ADRA1A: variants seen among roughly 807,000 people sequenced by gnomAD.
The protein encoded by ADRA1A is alpha-1A adrenergic receptor.
A neutral mutation model predicts 29.6 loss-of-function variants in ADRA1A; 31 were observed. That is an observed-to-expected ratio of 1.05 (90% CI 0.79 to 1.41). The LOEUF (loss-of-function observed/expected upper bound fraction) is 1.41. Ranked by LOEUF, ADRA1A falls within the 40% of genes most tolerant of loss-of-function variation. ADRA1A has a pLI of 0.00. For missense variants in ADRA1A, 619 were observed against 601.1 expected, an observed-to-expected ratio of 1.03 and a Z score of -0.31; for synonymous variants, 311 against 254.3, an observed-to-expected ratio of 1.22 and a Z score of -2.12.
chr8:26,798,114 G>C (rs1166085168), intron 2 of ADRA1A, among the ~76,000 whole-genome samples: 1 of 152,180 alleles, frequency 6.6e-6, no homozygotes, highest in Admixed American at 6.5e-5. Flanking sequence ...GAGTAGCTGG[G>C]ATTACAGGTG....
At chr8:26,843,627 C>T (rs575898847) in intron 2 of ADRA1A, among the ~76,000 whole-genome samples, 1 of 152,252 alleles carries the variant, frequency 6.6e-6, no homozygotes, top group South Asian at 2.1e-4. Flanking sequence ...AAAAATACCT[C>T]CTCATCAACA....
At chr8:26,764,027 TC>T (rs376532524), downstream of ADRA1A, among the ~76,000 whole-genome samples, 167 of 152,274 alleles carry the variant, frequency 1.1e-3, no homozygotes, top group African/African-American at 3.9e-3. Flanking sequence ...AAAAATGCAT[TC>T]TTGACTTTGA....
At position 26,865,608 on chromosome 8, in the gene ADRA1A, A is replaced by T. The variant is rs1016868541; in HGVS notation, c.-639T>A. ...AGGTCAGGGGACGTAGGTGTGGAAT[A>T]TGTGCTGAGACCCAGGAGGCTGCGG... On this transcript the variant is annotated 5_prime_UTR_variant, in exon 2 of 3. Transcript: ENST00000380573. The surrounding 1 kb of genome is among the most constrained non-coding windows in gnomAD (Gnocchi z 7.6). 1.8e-5 allele frequency: 18 copies of T among 986,984 alleles called. No individual in the cohort carries two copies. The highest frequency in any genetic ancestry group is 5.2e-4 in the Middle Eastern group (1 of 1,916). The allele number at this position is 986,984 out of a possible 1,614,324, so 61.1% of individuals were successfully genotyped here.
At chr8:26,830,423 T>C (rs1458755720) in intron 2 of ADRA1A, among the ~76,000 whole-genome samples, 1 of 152,206 alleles carries the variant, frequency 6.6e-6, no homozygotes, top group Non-Finnish European at 1.5e-5. Context: ...ATCCCAAATG[T>C]ACTAATCAAG....
intron 2 of ADRA1A, among the ~76,000 whole-genome samples, chr8:26,858,209 G>A (rs1012073643): frequency 1.3e-5 from 2 of 152,304 alleles, no homozygotes; most frequent in Non-Finnish European, 2.9e-5. Flanking sequence ...TTGATTCAGT[G>A]GCAACAGCAA....
At chr8:26,842,310 T>C (rs1811872064) in intron 2 of ADRA1A, among the ~76,000 whole-genome samples, 1 of 152,232 alleles carries the variant, frequency 6.6e-6, no homozygotes, top group Non-Finnish European at 1.5e-5. Context: ...TTGGACAGCA[T>C]AGTTCCAGAT....
Position 26,770,646 on chromosome 8 carries a change from T to A in ADRA1A, c.904A>T (p.Lys302Ter). Residue 302 changes from lysine (K) to a stop codon, truncating the protein, a stop_gained, in exon 3 of 3, where the codon AAG becomes TAG. Transcript: ENST00000380573. LOFTEE classifies it high-confidence loss of function. ...MPIGSFFPDF[K>*]PSETVFKIVF... Reference sequence around the variant, plus strand: ...ATTTTAAAAACTGTTTCAGAGGGCTTGAAATCAGGGAAGAAAGACCCTGGA... The same window carrying A: ...ATTTTAAAAACTGTTTCAGAGGGCTAGAAATCAGGGAAGAAAGACCCTGGA... 1 of 1,611,834 alleles carries A rather than the reference T, an allele frequency of 6.2e-7. No homozygotes were observed.
chr8:26,826,315 T>C (rs1199509470), intron 2 of ADRA1A, among the ~76,000 whole-genome samples: 2 of 152,222 alleles, frequency 1.3e-5, no homozygotes, highest in Non-Finnish European at 2.9e-5. Context: ...CCAGGCTCCT[T>C]CCACTTGTGG....
intron 2 of ADRA1A, among the ~76,000 whole-genome samples, chr8:26,795,321 G>A (rs1808118169): frequency 6.6e-6 from 1 of 152,114 alleles, no homozygotes; most frequent in Non-Finnish European, 1.5e-5. Context: ...ATTAAAAATC[G>A]CTGCAAGGAT....
intron 2 of ADRA1A, among the ~76,000 whole-genome samples, chr8:26,750,694 G>C (rs1804884659): frequency 6.6e-6 from 1 of 152,302 alleles, no homozygotes; most frequent in African/African-American, 2.4e-5. Flanking sequence ...AAGCAAGTTG[G>C]GTATAGGAAA....
intron 2 of ADRA1A, chr8:26,859,066 G>C: frequency 7.8e-7 from 1 of 1,280,870 alleles, no homozygotes; most frequent in Non-Finnish European, 1.0e-6. Flanking sequence ...TTAAACATGG[G>C]TGTTTCACTT....
Position 26,770,375 on chromosome 8 carries a change from TC to T in ADRA1A, c.1174del (p.Asp392MetfsTer33). On this transcript the variant is annotated frameshift_variant, in exon 3 of 3. Transcript: ENST00000380573. LOFTEE classifies it high-confidence loss of function. ...GAAAAATTTCCATTCACAAACGCCA[TC>T]CGTCTTGGAGATCCTGTAGAAGGTC... is the stretch of plus-strand genomic sequence containing the variant. ...RETFYRISKT[D>X]GVCEWKFFSS... 1 of 1,614,232 alleles carries T rather than the reference TC, an allele frequency of 6.2e-7. No homozygotes were observed. The highest frequency in any genetic ancestry group is 1.3e-5 in the African/African-American group (1 of 75,058).
downstream of ADRA1A, among the ~76,000 whole-genome samples, chr8:26,762,777 C>G (rs955878570): frequency 3.3e-5 from 5 of 152,170 alleles, no homozygotes; most frequent in African/African-American, 9.7e-5. This position sits in a 1 kb window ranked among gnomAD's most constrained non-coding sequence, Gnocchi z 4.0. Context: ...CATCCACGCC[C>G]CATCTCAGAG....
At chr8:26,846,644 C>T (rs1812225608) in intron 2 of ADRA1A, among the ~76,000 whole-genome samples, 1 of 152,152 alleles carries the variant, frequency 6.6e-6, no homozygotes, top group African/African-American at 2.4e-5. Flanking sequence ...TGGTGGCAGG[C>T]ACCTGTAATC....
intron 2 of ADRA1A, among the ~76,000 whole-genome samples, chr8:26,807,637 A>G (rs1809091907): frequency 1.3e-5 from 2 of 152,216 alleles, no homozygotes; most frequent in Non-Finnish European, 2.9e-5. Flanking sequence ...TTTATTGAAT[A>G]AAAGAATGAG....
upstream of ADRA1A, chr8:26,867,335 A>G: frequency 1.0e-6 from 1 of 985,348 alleles, no homozygotes; most frequent in Non-Finnish European, 1.2e-6. Context: ...ACTCTACGGC[A>G]ACAGGCACAA....
Position 26,749,285 on chromosome 8 carries a change from G to A in ADRA1A, c.1270-537C>T, listed in dbSNP as rs555326946. Among the ~76,000 whole-genome samples the A allele has an allele frequency of 3.9e-5, 6 of 152,210 alleles. No individual in the cohort carries two copies. The South Asian group carries it at 1.2e-3, about 32-fold the overall frequency. On this transcript the variant is annotated intron_variant, in intron 2 of 2. Transcript: ENST00000380586. Reference sequence around the variant, plus strand: ...AACCCAGGGATCTAAGATAATCAGGGGCTGATGGCTCAATCACTGATCTAT... The same window carrying A: ...AACCCAGGGATCTAAGATAATCAGGAGCTGATGGCTCAATCACTGATCTAT...
chr8:26,817,775 C>G (rs565075478), intron 2 of ADRA1A, among the ~76,000 whole-genome samples: 2 of 152,132 alleles, frequency 1.3e-5, no homozygotes, highest in Non-Finnish European at 2.9e-5. Flanking sequence ...GAGACCTTAT[C>G]TCAGGTAAAC....
At chr8:26,776,727 G>T (rs1185688757) in intron 2 of ADRA1A, among the ~76,000 whole-genome samples, 1 of 152,150 alleles carries the variant, frequency 6.6e-6, no homozygotes, top group Non-Finnish European at 1.5e-5. Flanking sequence ...CTCAATAATT[G>T]CATTATTTTA....
Sources: gnomAD v4.1 joint callset for allele counts (sites outside exome capture counted in the v4.1 genomes callset) on GRCh38, gnomAD v4.1.1 for gene constraint, Gnocchi (gnomAD v3.1) non-coding constraint, MANE v1.5 for transcripts, NCBI Gene and HGNC (gene_info 2026-07-23, HGNC 2026-07-21) for gene names.